RBMS3: variants seen among roughly 807,000 people sequenced by gnomAD.
RBMS3 encodes RNA-binding motif, single-stranded-interacting protein 3.
A neutral mutation model predicts 66.8 loss-of-function variants in RBMS3; 27 were observed. The ratio of observed to expected loss-of-function variants is 0.40; its 90% CI spans 0.30 to 0.56. The LOEUF (loss-of-function observed/expected upper bound fraction) is 0.56. RBMS3 is among the 20% of genes least tolerant of loss of function. The probability of loss-of-function intolerance (pLI) is 0.40; values close to 1 mark genes in which losing one functional copy is unlikely to be tolerated. For missense variants in RBMS3, 513 were observed against 549.5 expected (o/e 0.93, Z 0.66); for synonymous variants, 188 against 183.0 (o/e 1.03, Z -0.22).
chr3:29,841,136 T>C (rs1201937786), intron 6 of RBMS3, among the ~76,000 whole-genome samples: 3 of 151,970 alleles, frequency 2.0e-5, no homozygotes, highest in African/African-American at 4.8e-5. Flanking sequence ...ATTATATCTC[T>C]TTCATCATTT....
At chr3:29,382,260 T>C (rs56124308) in intron 1 of RBMS3, among the ~76,000 whole-genome samples, 49,445 of 152,096 alleles carry the variant, frequency 0.33, 8,496 homozygotes, top group East Asian at 0.67. Flanking sequence ...ATCAACTACC[T>C]TCAGTAGAAG....
At chr3:29,511,278 G>A (rs574823199) in intron 3 of RBMS3, among the ~76,000 whole-genome samples, 2 of 151,988 alleles carry the variant, frequency 1.3e-5, no homozygotes, top group Middle Eastern at 3.2e-3. Context: ...CCTGGGCGAC[G>A]GAGAGAGACT....
chr3:29,854,199 C>T (rs2059015531), intron 6 of RBMS3, among the ~76,000 whole-genome samples: 1 of 152,210 alleles, frequency 6.6e-6, no homozygotes, highest in African/African-American at 2.4e-5. Context: ...CCCCGCGTCC[C>T]TGCAGCAGCC....
At chr3:29,303,572 C>T (rs2033817656) in intron 1 of RBMS3, among the ~76,000 whole-genome samples, 1 of 151,954 alleles carries the variant, frequency 6.6e-6, no homozygotes, top group South Asian at 2.1e-4. Context: ...TAGGATGGCA[C>T]TTCTTGATAA....
chr3:30,003,795 C>G, intron 14 of RBMS3, 61 bp from the exon 15 acceptor site: 1 of 1,242,568 alleles, frequency 8.0e-7, no homozygotes, highest in Non-Finnish European at 1.1e-6. Context: ...GAAAAGGGCA[C>G]AGAAGGTGAT....
At chr3:29,827,164 T>C (rs1344463002) in intron 6 of RBMS3, among the ~76,000 whole-genome samples, 2 of 152,178 alleles carry the variant, frequency 1.3e-5, no homozygotes, top group Non-Finnish European at 2.9e-5. Context: ...AACCTAGCTA[T>C]CCTTTTTGAA....
chr3:29,672,934 T>A (rs1048668714), intron 4 of RBMS3, among the ~76,000 whole-genome samples: 3 of 152,208 alleles, frequency 2.0e-5, no homozygotes, highest in African/African-American at 4.8e-5. Flanking sequence ...GTGGACCTAA[T>A]AGACATCTAC....
chr3:30,000,513 A>T (rs1699546989), intron 14 of RBMS3, among the ~76,000 whole-genome samples: 1 of 152,152 alleles, frequency 6.6e-6, no homozygotes, highest in Non-Finnish European at 1.5e-5. Flanking sequence ...CAGAAATACC[A>T]TTTGACCCAG....
chr3:29,347,602 T>C (rs2036654230), intron 1 of RBMS3, among the ~76,000 whole-genome samples: 1 of 152,168 alleles, frequency 6.6e-6, no homozygotes, highest in Admixed American at 6.5e-5. Context: ...AATAGTCAAT[T>C]ATGTGGATTC....
At chr3:29,892,510 C>T (rs1262297697) in intron 8 of RBMS3, among the ~76,000 whole-genome samples, 1 of 151,436 alleles carries the variant, frequency 6.6e-6, no homozygotes, top group Non-Finnish European at 1.5e-5. Flanking sequence ...CAGACATTGC[C>T]AAATGTCTGC....
At chr3:29,887,055 A>T (rs1312262991) in intron 8 of RBMS3, among the ~76,000 whole-genome samples, 1 of 151,844 alleles carries the variant, frequency 6.6e-6, no homozygotes, top group East Asian at 1.9e-4. Flanking sequence ...TTTATTACTT[A>T]TATACCATAA....
intron 10 of RBMS3, among the ~76,000 whole-genome samples, chr3:29,910,658 G>A (rs1185549646): frequency 6.6e-6 from 1 of 151,942 alleles, no homozygotes; most frequent in African/African-American, 2.4e-5. Context: ...GGTTAATGGT[G>A]TTGATTAGCA....
intron 3 of RBMS3, among the ~76,000 whole-genome samples, chr3:29,583,635 G>C (rs1408183431): frequency 6.6e-6 from 1 of 152,058 alleles, no homozygotes; most frequent in African/African-American, 2.4e-5. Context: ...TCCTTGTCTG[G>C]CGAAGGGCAA....
chr3:29,741,410 G>A (rs1052688622), intron 5 of RBMS3, among the ~76,000 whole-genome samples: 22 of 152,162 alleles, frequency 1.4e-4, no homozygotes, highest in Admixed American at 1.3e-3. Context: ...TTCTTATATA[G>A]TGTGCAACTA....
chr3:29,997,468 AAG>A (rs1254234498), intron 14 of RBMS3, among the ~76,000 whole-genome samples: 3 of 148,374 alleles, frequency 2.0e-5, no homozygotes, highest in South Asian at 2.2e-4. Context: ...ACAACAAAAA[AAG>A]AGAATTTGAG....
chr3:29,674,601 A>G lies in RBMS3; in HGVS notation c.400-65119A>G, dbSNP rs568129147. Among the ~76,000 whole-genome samples the G allele has an allele frequency of 7.9e-5, 12 of 152,218 alleles. No homozygotes were observed. The South Asian group carries it at 2.3e-3, about 29-fold the overall frequency. On this transcript the variant is annotated intron_variant, in intron 4 of 14. Transcript: ENST00000383767. Reference sequence around the variant, plus strand: ...GTGCAAAAATCACAAGCATTCCTATACACCAATAATAGACAGAGAGCCAAA... The same window carrying G: ...GTGCAAAAATCACAAGCATTCCTATGCACCAATAATAGACAGAGAGCCAAA...
At chr3:29,932,762 G>A (rs1476394366) in intron 10 of RBMS3, among the ~76,000 whole-genome samples, 1 of 152,184 alleles carries the variant, frequency 6.6e-6, no homozygotes, top group African/African-American at 2.4e-5. Context: ...AACATTGGCA[G>A]AAGGTTAACA....
At chr3:29,300,126 T>A (rs1310607762) in intron 1 of RBMS3, among the ~76,000 whole-genome samples, 1 of 151,982 alleles carries the variant, frequency 6.6e-6, no homozygotes, top group Non-Finnish European at 1.5e-5. Flanking sequence ...TTTTGCCTAC[T>A]TGGTTTTTAA....
Position 29,442,420 on chromosome 3 carries a change from G to C in RBMS3, c.248+7505G>C, listed in dbSNP as rs186046119. Among the ~76,000 whole-genome samples, 325 of 152,134 alleles carry C rather than the reference G, an allele frequency of 2.1e-3. 3 individuals carry two copies. The highest frequency in any genetic ancestry group is 7.6e-3 in the African/African-American group (315 of 41,506). ...AATTTAAAAATATACTTAAATTCCT[G>C]ATAGCCGATGATATTTTTCCATATC... On this transcript the variant is annotated intron_variant, in intron 2 of 14. Transcript: ENST00000383767.
Sources: gnomAD v4.1 joint callset for allele counts (sites outside exome capture counted in the v4.1 genomes callset) on GRCh38, gnomAD v4.1.1 for gene constraint, MANE v1.5 for transcripts, NCBI Gene and HGNC (gene_info 2026-07-23, HGNC 2026-07-21) for gene names.